Variants in PRMT3 observed in about 807,000 individuals in gnomAD.
PRMT3 encodes protein arginine N-methyltransferase 3.
In PRMT3, 62 loss-of-function variants were observed where a neutral mutation model predicts 71.9. The observed-to-expected ratio is 0.86, with a 90% confidence interval of 0.70 to 1.07. The LOEUF (loss-of-function observed/expected upper bound fraction) is 1.07, where lower values mean the gene tolerates loss of function less well. Ranked by LOEUF, PRMT3 falls within the 50% of genes least tolerant of loss-of-function variation. PRMT3 has a pLI of 0.00. For synonymous variants in PRMT3, 213 were observed against 220.4 expected (o/e 0.97, Z 0.30); for missense variants, 663 against 643.0 (o/e 1.03, Z -0.34).
At chr11:20,450,856 A>G (rs1166726153) in intron 10 of PRMT3, among the ~76,000 whole-genome samples, 1 of 152,228 alleles carries the variant, frequency 6.6e-6, no homozygotes, top group Admixed American at 6.5e-5. Flanking sequence ...AGAATATTAT[A>G]CTTACCCCAC....
intron 13 of PRMT3, among the ~76,000 whole-genome samples, chr11:20,483,290 G>T (rs1213838953): frequency 2.0e-5 from 3 of 152,082 alleles, no homozygotes; most frequent in Admixed American, 6.6e-5. Flanking sequence ...TTGTTCAGGT[G>T]AACAAGTGTA....
rs1428554917 is a variant in PRMT3, at chr11:20,405,039, A to G, written c.771+2055A>G. 2.0e-5 allele frequency among the ~76,000 whole-genome samples: 3 copies of G among 152,150 alleles called. No homozygotes were observed. The East Asian group carries it at 5.8e-4, about 29-fold the overall frequency. On this transcript the variant is annotated intron_variant, in intron 8 of 15. Transcript: ENST00000331079. Reference sequence around the variant, plus strand: ...AGTAATCATAAGATTAATCATCAAGATATTAAATATTTTTATTAAAAATGT... The same window carrying G: ...AGTAATCATAAGATTAATCATCAAGGTATTAAATATTTTTATTAAAAATGT...
At chr11:20,477,602 C>G (rs958072475) in intron 13 of PRMT3, among the ~76,000 whole-genome samples, 1 of 151,908 alleles carries the variant, frequency 6.6e-6, no homozygotes, top group African/African-American at 2.4e-5. Flanking sequence ...GTCATCTGTT[C>G]TTGACGGGAG....
chr11:20,508,149 TAAAAA>T (rs11338942), intron 15 of PRMT3, among the ~76,000 whole-genome samples, 150 bp from the exon 16 acceptor site: 19 of 122,886 alleles, frequency 1.5e-4, no homozygotes, highest in Admixed American at 1.7e-4. Context: ...GACTCCATCT[TAAAAA>T]AAAAAAAAAA....
chr11:20,392,123 T>C (rs1232148497), intron 3 of PRMT3, 88 bp from the exon 4 acceptor site: 3 of 1,279,412 alleles, frequency 2.3e-6, no homozygotes, highest in African/African-American at 3.0e-5. Flanking sequence ...ATTATTTTAT[T>C]GTTTAATCAG....
At chr11:20,441,788 GTT>G (rs61553968) in intron 10 of PRMT3, among the ~76,000 whole-genome samples, 31 of 118,502 alleles carry the variant, frequency 2.6e-4, no homozygotes, top group African/African-American at 5.0e-4. Context: ...ATAGTTTCAG[GTT>G]TTTTTTTTTT....
At chr11:20,414,367 C>T (rs558941022) in intron 9 of PRMT3, among the ~76,000 whole-genome samples, 1 of 152,140 alleles carries the variant, frequency 6.6e-6, no homozygotes, top group South Asian at 2.1e-4. Context: ...ATGAATAAAA[C>T]AATATAGATT....
At position 20,494,181 on chromosome 11, in the gene PRMT3, G is replaced by A. The variant is rs987921800; in HGVS notation, c.1413G>A (p.Thr471=). 16 of 1,608,472 alleles carry A rather than the reference G, an allele frequency of 9.9e-6. 1 individual carries two copies. In the Admixed American group the frequency reaches 1.5e-4, roughly 15 times the overall value. Residue 471 remains threonine (T), a synonymous_variant, in exon 15 of 16, where the codon ACG becomes ACA. Transcript: ENST00000331079. ...TACCAATTCAGGTCGTGTTCTCTACGGGCCCTCAGAGCACCAAAACACACT... is the reference window on the plus strand; with the variant it reads ...TACCAATTCAGGTCGTGTTCTCTACAGGCCCTCAGAGCACCAAAACACACT... ...KNCHNRVVFS[T]GPQSTKTHWK... is the part of the protein sequence containing the mutation.
At chr11:20,400,938 C>T (rs1168890848) in intron 7 of PRMT3, among the ~76,000 whole-genome samples, 5 of 149,758 alleles carry the variant, frequency 3.3e-5, no homozygotes, top group African/African-American at 1.2e-4. Context: ...ATAAAGGCTA[C>T]TCTTTTATTT....
chr11:20,438,120 G>A (rs993068626), intron 10 of PRMT3, among the ~76,000 whole-genome samples: 7 of 152,130 alleles, frequency 4.6e-5, no homozygotes, highest in Non-Finnish European at 8.8e-5. Context: ...CTGTGGCAGG[G>A]TTGGATGTAA....
chr11:20,451,545 G>T (rs919746966), intron 10 of PRMT3, among the ~76,000 whole-genome samples: 2 of 151,848 alleles, frequency 1.3e-5, no homozygotes, highest in Non-Finnish European at 2.9e-5. Flanking sequence ...AATTATTTGG[G>T]AAGTGGTTTT....
At chr11:20,412,893 A>G (rs1312877075) in intron 9 of PRMT3, among the ~76,000 whole-genome samples, 1 of 152,068 alleles carries the variant, frequency 6.6e-6, no homozygotes, top group Non-Finnish European at 1.5e-5. Context: ...GGAGGCTGCT[A>G]GTGTGCTAGG....
intron 9 of PRMT3, among the ~76,000 whole-genome samples, chr11:20,412,033 A>G (rs1414543208): frequency 6.6e-6 from 1 of 152,170 alleles, no homozygotes; most frequent in Non-Finnish European, 1.5e-5. Context: ...AAGTAGATGT[A>G]TTTAAAGGAC....
intron 7 of PRMT3, among the ~76,000 whole-genome samples, chr11:20,402,081 C>A (rs1487893583): frequency 6.6e-6 from 1 of 151,914 alleles, no homozygotes; most frequent in African/African-American, 2.4e-5. Context: ...GCAATGTTTA[C>A]ATTTATTTAC....
intron 13 of PRMT3, among the ~76,000 whole-genome samples, chr11:20,482,582 G>A (rs1850964572): frequency 6.6e-6 from 1 of 152,082 alleles, no homozygotes; most frequent in South Asian, 2.1e-4. Flanking sequence ...TTATTAGATT[G>A]TGATAAGAAA....
intron 9 of PRMT3, among the ~76,000 whole-genome samples, chr11:20,420,324 G>A (rs918209760): frequency 1.2e-4 from 18 of 152,190 alleles, no homozygotes; most frequent in African/African-American, 3.4e-4. Context: ...TCCATTCAAT[G>A]TATCTATGTA....
chr11:20,404,289 A>G (rs570009392), intron 8 of PRMT3, among the ~76,000 whole-genome samples: 7 of 117,994 alleles, frequency 5.9e-5, no homozygotes, highest in African/African-American at 2.4e-4. Context: ...GCTGGAGTGC[A>G]CTGGCGCGAT....
chr11:20,440,332 G>A (rs1039240448), intron 10 of PRMT3, among the ~76,000 whole-genome samples: 1 of 152,054 alleles, frequency 6.6e-6, no homozygotes, highest in South Asian at 2.1e-4. Flanking sequence ...TCCAGCCTGG[G>A]CAACAGAGCG....
chr11:20,446,556 TA>T (rs2133380162), intron 10 of PRMT3, among the ~76,000 whole-genome samples: 1 of 152,270 alleles, frequency 6.6e-6, no homozygotes, highest in South Asian at 2.1e-4. Flanking sequence ...ATATTCTCCA[TA>T]AGCTCTATAC....
Sources: gnomAD v4.1 joint callset for allele counts (sites outside exome capture counted in the v4.1 genomes callset) on GRCh38, gnomAD v4.1.1 for gene constraint, MANE v1.5 for transcripts, NCBI Gene and HGNC (gene_info 2026-07-23, HGNC 2026-07-21) for gene names.